The following ADNP2 variants were observed in gnomAD, a reference collection of about 807,000 sequenced individuals.
ADNP2 encodes the protein ADNP homeobox 2.
ADNP2 carries 8 observed loss-of-function variants against 16.4 expected under a neutral mutation model. The observed-to-expected ratio is 0.49, with a 90% CI of 0.29 to 0.88. The LOEUF (loss-of-function observed/expected upper bound fraction) is 0.88, where lower values mean the gene tolerates loss of function less well. Among genes scored for constraint, ADNP2 ranks in the 40% least tolerant of loss-of-function variants. ADNP2 has a pLI of 0.09. For synonymous variants in ADNP2, 637 were observed against 545.8 expected, an observed-to-expected ratio of 1.17 and a Z score of -2.33; for missense variants, 1,397 against 1,395.1, an observed-to-expected ratio of 1.00 and a Z score of -0.02.
intron 1 of ADNP2, among the ~76,000 whole-genome samples, chr18:80,115,621 A>T (rs1179657291): frequency 6.6e-6 from 1 of 152,204 alleles, no homozygotes; most frequent in African/African-American, 2.4e-5. Flanking sequence ...ACAGCTTGAG[A>T]TATAATTTAT....
In ADNP2 at chr18:80,138,565, A is replaced by G; in HGVS notation, c.3152A>G (p.Tyr1051Cys). ...LDPKKYEGRS[Y>C]EEKKQFLKDY... ...CCTAAAAAATATGAAGGCCGTTCTT[A>G]TGAAGAAAAGAAGCAATTTCTTAAA... The change falls in exon 4 of 4, where the codon TAT (tyrosine) becomes TGT (cysteine). Residue 1051 changes from tyrosine (Y) to cysteine (C), a missense_variant. Coordinates refer to ENST00000262198, the MANE Select transcript of ADNP2 (RefSeq NM_014913.4). 3 of 1,610,422 alleles carry G rather than the reference A, an allele frequency of 1.9e-6. No individual in the cohort carries two copies. The highest frequency in any genetic ancestry group is 2.5e-6 in the Non-Finnish European group (3 of 1,179,226).
In ADNP2 at chr18:80,137,405, G is replaced by A. The variant is rs2052548041; in HGVS notation, c.1992G>A (p.Val664=). ...GSMPGMPSPP[V]LVNAAQSVFV... ...TGCCCGGCATGCCCTCTCCTCCAGT[G>A]CTGGTGAATGCTGCTCAGAGCGTGT... Residue 664 remains valine, a synonymous_variant, in exon 4 of 4, where the codon GTG becomes GTA. Coordinates refer to ENST00000262198, the MANE Select transcript of ADNP2 (RefSeq NM_014913.4). This position sits in a 1 kb window ranked among gnomAD's most constrained non-coding sequence, Gnocchi z 4.2. 8 of 1,614,172 alleles carry A rather than the reference G, an allele frequency of 5.0e-6. No homozygotes were observed. Among genetic ancestry groups the A allele is most frequent in the Non-Finnish European group, 5.9e-6 (7 of 1,180,044 alleles).
chr18:80,135,545 G>C, intron 3 of ADNP2, 67 bp from the exon 4 acceptor site: 1 of 1,378,572 alleles, frequency 7.3e-7, no homozygotes. Context: ...AAGTCCTCAG[G>C]GACTGTGGAA....
At chr18:80,116,514 C>T (rs1427056118) in intron 1 of ADNP2, among the ~76,000 whole-genome samples, 1 of 110,180 alleles carries the variant, frequency 9.1e-6, no homozygotes, top group East Asian at 6.9e-4. Context: ...ATGAGAGTTC[C>T]AATTTCTCCA....
In ADNP2 at chr18:80,117,549, C is replaced by A; in HGVS notation, c.7C>A (p.Gln3Lys). 6.3e-7 allele frequency: 1 copy of A among 1,589,282 alleles called. No individual in the cohort carries two copies. Among genetic ancestry groups the A allele is most frequent in the South Asian group, 1.2e-5 (1 of 86,600 alleles). Residue 3 changes from glutamine to lysine, a missense_variant, in exon 2 of 4, where the codon CAA (glutamine) becomes AAA (lysine). This residue lies in a region of ADNP2 where 777 missense variants were observed against 719.4 expected (regional missense o/e 1.08). Transcript: ENST00000262198. Reference protein sequence around the residue: MFQIPVENLDNIR... With the variant: MFKIPVENLDNIR... ...TTTAAGGAAAATTTCAAAAATGTTTCAAATTCCTGTGGAAAATCTTGACAA... is the reference window on the plus strand; with the variant it reads ...TTTAAGGAAAATTTCAAAAATGTTTAAAATTCCTGTGGAAAATCTTGACAA...
At chr18:80,114,574 A>T (rs1176445197) in intron 1 of ADNP2, among the ~76,000 whole-genome samples, 1 of 152,210 alleles carries the variant, frequency 6.6e-6, no homozygotes, top group Non-Finnish European at 1.5e-5. Flanking sequence ...ATTCTCCTAC[A>T]TATCCATAAC....
chr18:80,131,280 C>T (rs1244104298), intron 2 of ADNP2, among the ~76,000 whole-genome samples: 1 of 152,186 alleles, frequency 6.6e-6, no homozygotes, highest in Non-Finnish European at 1.5e-5. Flanking sequence ...GTGTGTTTCT[C>T]ACACTACTGC....
In ADNP2 at chr18:80,136,998, T is replaced by C; in HGVS notation, c.1585T>C (p.Ser529Pro). 1.2e-6 allele frequency: 2 copies of C among 1,614,098 alleles called. No individual in the cohort carries two copies. The highest frequency in any genetic ancestry group is 1.7e-6 in the Non-Finnish European group (2 of 1,179,996). The change falls in exon 4 of 4, where the codon TCA becomes CCA. Residue 529 changes from serine to proline, a missense_variant. Transcript: ENST00000262198. ...TTCTCCCAACCAGACAGTCTCCTCCTCAGCTGTTGTGCCTGTAAACCAGGG... is the reference window on the plus strand; with the variant it reads ...TTCTCCCAACCAGACAGTCTCCTCCCCAGCTGTTGTGCCTGTAAACCAGGG... The part of the protein sequence containing the change: ...LLSPNQTVSS[S>P]AVVPVNQGVN...
Position 80,117,638 on chromosome 18 carries a change from G to A in ADNP2, c.96G>A (p.Lys32=). 1 of 1,604,474 alleles carries A rather than the reference G, an allele frequency of 6.2e-7. No individual in the cohort carries two copies. Among genetic ancestry groups the A allele is most frequent in the South Asian group, 1.1e-5 (1 of 89,126 alleles). ...ILVDIGLDSC[K]ELLKDLKGFD... ...TGGATATTGGGCTTGACAGCTGCAAGGAGTTACTGAAGGTAAGAGGACGTA... is the reference window on the plus strand; with the variant it reads ...TGGATATTGGGCTTGACAGCTGCAAAGAGTTACTGAAGGTAAGAGGACGTA... The change falls in exon 2 of 4, where the codon AAG becomes AAA. Residue 32 remains lysine (K), a synonymous_variant. Coordinates refer to ENST00000262198, the MANE Select transcript of ADNP2 (RefSeq NM_014913.4).
chr18:80,128,675 TAAAG>T (rs1020405116), intron 2 of ADNP2, among the ~76,000 whole-genome samples: 14 of 152,106 alleles, frequency 9.2e-5, no homozygotes, highest in Admixed American at 3.9e-4. Context: ...TAAATAAAAA[TAAAG>T]AAATATTTGT....
At chr18:80,116,635 A>T (rs963865544) in intron 1 of ADNP2, among the ~76,000 whole-genome samples, 1 of 150,096 alleles carries the variant, frequency 6.7e-6, no homozygotes, top group Non-Finnish European at 1.5e-5. Flanking sequence ...GATGTTGAGC[A>T]TTTTTTTTTG....
Position 80,129,676 on chromosome 18 carries a change from T to A in ADNP2, c.109-3427T>A, listed in dbSNP as rs146618743. On this transcript the variant is annotated intron_variant, in intron 2 of 3. Transcript: ENST00000262198. ...ATTTTGGGCTAGAATATATATGATG[T>A]TCTATGCTTCTTGTGTCACTTCAGG... Among the ~76,000 whole-genome samples, 251 of 152,370 alleles carry A rather than the reference T, an allele frequency of 1.6e-3. 1 individual carries two copies. The Middle Eastern group carries it at 0.027, about 17-fold the overall frequency.
At chr18:80,125,753 A>G (rs1032152792) in intron 2 of ADNP2, among the ~76,000 whole-genome samples, 2 of 152,130 alleles carry the variant, frequency 1.3e-5, no homozygotes, top group Admixed American at 6.5e-5. Context: ...CAAGGCTGCA[A>G]TGAGCCATGA....
chr18:80,110,178 T>C (rs1229287671), intron 1 of ADNP2, among the ~76,000 whole-genome samples: 1 of 152,248 alleles, frequency 6.6e-6, no homozygotes, highest in Non-Finnish European at 1.5e-5. Flanking sequence ...ACATTACTTT[T>C]CATCTGCCGT....
rs200120172 is a variant in ADNP2, at chr18:80,137,403, G to T, written c.1990G>T (p.Val664Leu). 2.3e-4 allele frequency: 376 copies of T among 1,614,188 alleles called. 1 individual carries two copies. The highest frequency in any genetic ancestry group is 6.2e-4 in the East Asian group (28 of 44,882). The change falls in exon 4 of 4, where the codon GTG becomes TTG. Residue 664 changes from valine to leucine, a missense_variant. Transcript: ENST00000262198. This position sits in a 1 kb window ranked among gnomAD's most constrained non-coding sequence, Gnocchi z 4.2. ...GSMPGMPSPP[V>L]LVNAAQSVFV... ...CATGCCCGGCATGCCCTCTCCTCCA[G>T]TGCTGGTGAATGCTGCTCAGAGCGT...
intron 1 of ADNP2, among the ~76,000 whole-genome samples, chr18:80,112,333 T>C (rs892077214): frequency 3.3e-5 from 5 of 151,932 alleles, no homozygotes; most frequent in Non-Finnish European, 7.4e-5. Flanking sequence ...CAGCTTCCCA[T>C]CCCCAAAGTG....
At chr18:80,127,934 A>C (rs1445784379) in intron 2 of ADNP2, among the ~76,000 whole-genome samples, 1 of 152,246 alleles carries the variant, frequency 6.6e-6, no homozygotes, top group Non-Finnish European at 1.5e-5. Flanking sequence ...GTTTTCTCAC[A>C]CATGAGAGCC....
chr18:80,114,550 C>G (rs2052377382), intron 1 of ADNP2, among the ~76,000 whole-genome samples: 1 of 152,132 alleles, frequency 6.6e-6, no homozygotes, highest in Non-Finnish European at 1.5e-5. Flanking sequence ...ACCCTAAATA[C>G]TACAAACAAG....
At chr18:80,132,653 ACT>A (rs939246064) in intron 2 of ADNP2, among the ~76,000 whole-genome samples, 6 of 83,086 alleles carry the variant, frequency 7.2e-5, no homozygotes, top group Admixed American at 2.5e-4. Context: ...TCTCTCTCTC[ACT>A]CTCTCCTCTC....
Sources: gnomAD v4.1 joint callset for allele counts (sites outside exome capture counted in the v4.1 genomes callset) on GRCh38, gnomAD v4.1.1 for gene constraint, gnomAD v4.1.1 regional missense constraint, Gnocchi (gnomAD v3.1) non-coding constraint, MANE v1.5 for transcripts, NCBI Gene and HGNC (gene_info 2026-07-23, HGNC 2026-07-21) for gene names.